The following KSR2 variants were observed in gnomAD, a reference collection of about 807,000 sequenced individuals.
KSR2 encodes the protein kinase suppressor of ras 2.
A neutral mutation model predicts 107.8 loss-of-function variants in KSR2; 25 were observed. The observed-to-expected ratio is 0.23, with a 90% CI of 0.17 to 0.32. The LOEUF (loss-of-function observed/expected upper bound fraction) is 0.32. KSR2 is among the 10% of genes least tolerant of loss of function. KSR2 has a pLI of 1.00. For synonymous variants in KSR2, 480 were observed against 507.0 expected, an observed-to-expected ratio of 0.95 and a Z score of 0.71; for missense variants, 887 against 1,268.9, an observed-to-expected ratio of 0.70 and a Z score of 4.57.
intron 4 of KSR2, among the ~76,000 whole-genome samples, chr12:117,672,133 A>C (rs1426895625): frequency 6.6e-6 from 1 of 152,172 alleles, no homozygotes; most frequent in East Asian, 1.9e-4. Context: ...TGGTCAGAGA[A>C]GAAAGGAAAG....
At chr12:117,929,225 T>C (rs1895626438) in intron 1 of KSR2, among the ~76,000 whole-genome samples, 2 of 152,250 alleles carry the variant, frequency 1.3e-5, no homozygotes, top group African/African-American at 2.4e-5. Context: ...GCAGCATTGA[T>C]ATGGTTTGGC....
intron 16 of KSR2, among the ~76,000 whole-genome samples, chr12:117,478,976 C>A (rs1029130693): frequency 6.6e-6 from 1 of 152,182 alleles, no homozygotes; most frequent in Non-Finnish European, 1.5e-5. Context: ...TGTCCTCCCC[C>A]ACATCAACTT....
At chr12:117,919,554 C>T (rs2137455544) in intron 1 of KSR2, among the ~76,000 whole-genome samples, 1 of 152,168 alleles carries the variant, frequency 6.6e-6, no homozygotes, top group East Asian at 1.9e-4. Context: ...CATAAGAAAA[C>T]AGCTAAATAA....
At chr12:117,505,526 T>C (rs1291896635) in intron 14 of KSR2, among the ~76,000 whole-genome samples, 2 of 152,220 alleles carry the variant, frequency 1.3e-5, no homozygotes, top group Non-Finnish European at 2.9e-5. Context: ...GTCTGATCTG[T>C]AAAACAGTGA....
rs1870709099 is a variant in KSR2, at chr12:117,458,137, T to C, written c.*9062A>G. 1 of 152,206 alleles carries C rather than the reference T, an allele frequency of 6.6e-6. No homozygotes were observed. Among genetic ancestry groups the C allele is most frequent in the South Asian group, 2.1e-4 (1 of 4,824 alleles). 9.4% of individuals were successfully genotyped at this position (152,206 alleles called of 1,614,324 possible). A position where few individuals can be genotyped will look rare whatever the true frequency, so the allele number is the denominator to read the frequency against. On this transcript the variant is annotated 3_prime_UTR_variant, in exon 20 of 20. Coordinates refer to ENST00000339824, the MANE Select transcript of KSR2 (RefSeq NM_173598.6). ...AGTAGATGCTCAACAAATCACCCAC[T>C]GAATGAATGGTTGGTGAAGAAATCT... is the stretch of plus-strand genomic sequence containing the variant.
At chr12:117,783,363 C>T (rs886909669) in intron 3 of KSR2, among the ~76,000 whole-genome samples, 5 of 152,158 alleles carry the variant, frequency 3.3e-5, no homozygotes, top group African/African-American at 7.2e-5. Context: ...CCAAGTAGCA[C>T]GACAACAGCA....
intron 7 of KSR2, among the ~76,000 whole-genome samples, chr12:117,565,996 T>C (rs1878463738): frequency 6.6e-6 from 1 of 152,254 alleles, no homozygotes. Flanking sequence ...GGGGGACACG[T>C]ACAGGTTTGT....
chr12:117,927,252 T>G (rs1895548530), intron 1 of KSR2, among the ~76,000 whole-genome samples: 1 of 151,784 alleles, frequency 6.6e-6, no homozygotes, highest in Non-Finnish European at 1.5e-5. Context: ...GGTGCATGCC[T>G]GTAAACCCAG....
intron 5 of KSR2, among the ~76,000 whole-genome samples, chr12:117,627,170 T>C (rs1191741162): frequency 6.6e-6 from 1 of 152,208 alleles, no homozygotes; most frequent in African/African-American, 2.4e-5. Flanking sequence ...CCAGTCTGTG[T>C]CTTTTAATTG....
chr12:117,679,411 C>T lies in KSR2; in HGVS notation c.987-11753G>A, dbSNP rs190889426. On this transcript the variant is annotated intron_variant, in intron 4 of 19. Transcript: ENST00000339824. ...ATGCGGCACTTGGTTAAAAATTCAG[C>T]ACACACCAACCGAGCACACTCTAAG... is the stretch of plus-strand genomic sequence containing the variant. Among the ~76,000 whole-genome samples the T allele has an allele frequency of 1.3e-3, 204 of 152,310 alleles. 1 individual carries two copies. Among genetic ancestry groups the T allele is most frequent in the African/African-American group, 4.7e-3 (196 of 41,572 alleles).
At chr12:117,614,661 T>C (rs1372356125) in intron 5 of KSR2, among the ~76,000 whole-genome samples, 1 of 152,248 alleles carries the variant, frequency 6.6e-6, no homozygotes, top group African/African-American at 2.4e-5. Flanking sequence ...AATAGTTTTC[T>C]GTCATACTTT....
At chr12:117,943,735 C>T (rs1166415350) in intron 1 of KSR2, among the ~76,000 whole-genome samples, 1 of 152,136 alleles carries the variant, frequency 6.6e-6, no homozygotes, top group East Asian at 1.9e-4. Flanking sequence ...TATGGTTTGG[C>T]TGTGTCCCCA....
In KSR2 at chr12:117,531,022, C is replaced by CAG. The variant is rs1225377624; in HGVS notation, c.1730-11_1730-10dup. 4 of 1,612,936 alleles carry CAG rather than the reference C, an allele frequency of 2.5e-6. No homozygotes were observed. The highest frequency in any genetic ancestry group is 3.4e-6 in the Non-Finnish European group (4 of 1,179,216). On this transcript the variant is annotated splice_polypyrimidine_tract_variant and intron_variant, in intron 11 of 19. Transcript: ENST00000339824. ...CGGCACCGGCACCACATCTGAAAACCAGAGATTGAACACTCAGAAAAAAAA... is the reference window on the plus strand; with the variant it reads ...CGGCACCGGCACCACATCTGAAAACCAGAGAGATTGAACACTCAGAAAAAAAA...
intron 4 of KSR2, among the ~76,000 whole-genome samples, chr12:117,708,800 G>A (rs989543095): frequency 5.3e-5 from 8 of 152,228 alleles, no homozygotes; most frequent in East Asian, 1.9e-4. Flanking sequence ...ATCATAGCTC[G>A]CGTTTTCCCA....
At chr12:117,694,922 C>T (rs1486500942) in intron 4 of KSR2, among the ~76,000 whole-genome samples, 1 of 145,344 alleles carries the variant, frequency 6.9e-6, no homozygotes, top group Non-Finnish European at 1.5e-5. Context: ...ACAACCTCAG[C>T]TCACTGCAAC....
At chr12:117,793,448 AACCAACATGCACACATAC>A (rs1305178547) in intron 3 of KSR2, among the ~76,000 whole-genome samples, 3 of 119,662 alleles carry the variant, frequency 2.5e-5, no homozygotes, top group East Asian at 5.6e-4. Flanking sequence ...TGCACACTCA[AACCAACATGCACACATAC>A]ACCAACATGC....
At chr12:117,528,132 T>A (rs2137246514) in intron 12 of KSR2, among the ~76,000 whole-genome samples, 1 of 152,226 alleles carries the variant, frequency 6.6e-6, no homozygotes, top group Admixed American at 6.5e-5. Flanking sequence ...AGGGTTGTCT[T>A]GTGTGCATGT....
intron 4 of KSR2, among the ~76,000 whole-genome samples, chr12:117,736,214 G>A (rs888527757): frequency 2.0e-5 from 3 of 152,142 alleles, no homozygotes; most frequent in African/African-American, 4.8e-5. Context: ...TATTCACTTT[G>A]TTTTCCTTGG....
intron 5 of KSR2, among the ~76,000 whole-genome samples, chr12:117,639,694 C>T (rs923473062): frequency 2.7e-5 from 4 of 150,728 alleles, no homozygotes; most frequent in East Asian, 2.0e-4. Flanking sequence ...GGAAAGCCAG[C>T]GAGAAAACTC....
Sources: gnomAD v4.1 joint callset for allele counts (sites outside exome capture counted in the v4.1 genomes callset) on GRCh38, gnomAD v4.1.1 for gene constraint, MANE v1.5 for transcripts, NCBI Gene and HGNC (gene_info 2026-07-23, HGNC 2026-07-21) for gene names.